SLC24A2: variants seen among roughly 807,000 people sequenced by gnomAD.
SLC24A2 encodes the protein sodium/potassium/calcium exchanger 2.
A neutral mutation model predicts 62.0 loss-of-function variants in SLC24A2; 36 were observed. The ratio of observed to expected loss-of-function variants is 0.58; its 90% confidence interval spans 0.44 to 0.77. The LOEUF is 0.77. Among genes scored for constraint, SLC24A2 ranks in the 30% least tolerant of loss-of-function variants. The pLI, the probability that SLC24A2 is intolerant of heterozygous loss-of-function variation, is 0.00. For missense variants in SLC24A2, 846 were observed against 817.9 expected, an observed-to-expected ratio of 1.03 and a Z score of -0.42; for synonymous variants, 358 against 294.0, an observed-to-expected ratio of 1.22 and a Z score of -2.23.
At chr9:19,714,586 T>C (rs1342201388) in intron 2 of SLC24A2, among the ~76,000 whole-genome samples, 1 of 152,218 alleles carries the variant, frequency 6.6e-6, no homozygotes, top group Admixed American at 6.5e-5. Context: ...CTTCACTATT[T>C]GTATGGAGGA....
At chr9:19,952,658 A>AT in the SLC24A2 span, among the ~76,000 whole-genome samples, 2,714 of 130,574 alleles carry the variant, frequency 0.021, 27 homozygotes, top group East Asian at 0.038. Flanking sequence ...TTTGCCAAGC[A>AT]TTTTTTTTTT....
chr9:20,273,920 A>C, the SLC24A2 span, among the ~76,000 whole-genome samples: 1 of 152,156 alleles, frequency 6.6e-6, no homozygotes, highest in Non-Finnish European at 1.5e-5. Flanking sequence ...AATTTAAATA[A>C]TTCTGTTAGG....
chr9:19,559,285 C>T (rs994241903), intron 7 of SLC24A2, among the ~76,000 whole-genome samples: 1 of 152,070 alleles, frequency 6.6e-6, no homozygotes, highest in Non-Finnish European at 1.5e-5. Flanking sequence ...AAATTTTGTA[C>T]CTCCATCTAT....
chr9:19,762,060 G>T (rs1168720819), intron 2 of SLC24A2, among the ~76,000 whole-genome samples: 3 of 152,146 alleles, frequency 2.0e-5, no homozygotes. Context: ...TCGACACACT[G>T]ACTTCCACAA....
chr9:20,102,041 T>A, the SLC24A2 span, among the ~76,000 whole-genome samples: 1 of 152,170 alleles, frequency 6.6e-6, no homozygotes, highest in Non-Finnish European at 1.5e-5. Flanking sequence ...GCTCTTGTGT[T>A]TACAATGAAA....
At chr9:19,665,859 C>T (rs1307132651) in intron 2 of SLC24A2, among the ~76,000 whole-genome samples, 3 of 152,034 alleles carry the variant, frequency 2.0e-5, no homozygotes, top group Admixed American at 6.6e-5. Flanking sequence ...TTCCATGTTG[C>T]CCAGACTCCA....
the SLC24A2 span, among the ~76,000 whole-genome samples, chr9:20,247,316 T>G: frequency 1.3e-5 from 2 of 152,000 alleles, no homozygotes; most frequent in Non-Finnish European, 2.9e-5. Context: ...CACCAAGAAC[T>G]CCAAGCACAT....
At chr9:19,586,242 C>T (rs1205081831) in intron 5 of SLC24A2, among the ~76,000 whole-genome samples, 1 of 152,174 alleles carries the variant, frequency 6.6e-6, no homozygotes, top group Admixed American at 6.6e-5. Context: ...TGACGCTCTC[C>T]CCAACTAGCC....
intron 2 of SLC24A2, among the ~76,000 whole-genome samples, chr9:19,728,982 T>C (rs1182652): frequency 0.56 from 84,732 of 152,030 alleles, 23,798 homozygotes; most frequent in East Asian, 0.8. Context: ...GTAGGCCATA[T>C]TTGACTTACT....
the SLC24A2 span, among the ~76,000 whole-genome samples, chr9:20,081,224 A>C: frequency 6.6e-4 from 101 of 152,192 alleles, no homozygotes; most frequent in South Asian, 7.1e-3. Context: ...ACTTGGAACC[A>C]ACCCAAATGT....
At chr9:19,833,853 G>C in the SLC24A2 span, among the ~76,000 whole-genome samples, 1 of 152,200 alleles carries the variant, frequency 6.6e-6, no homozygotes, top group Non-Finnish European at 1.5e-5. Flanking sequence ...CACCTCACAT[G>C]TCCGGGTACT....
At chr9:19,909,233 C>CA in the SLC24A2 span, among the ~76,000 whole-genome samples, 14 of 149,154 alleles carry the variant, frequency 9.4e-5, no homozygotes, top group Non-Finnish European at 1.3e-4. Flanking sequence ...ATCACAAGGA[C>CA]AAAAAACCAA....
At chr9:19,668,265 T>G (rs1008154754) in intron 2 of SLC24A2, among the ~76,000 whole-genome samples, 1 of 152,182 alleles carries the variant, frequency 6.6e-6, no homozygotes, top group Non-Finnish European at 1.5e-5. Flanking sequence ...GTCTTATAGA[T>G]GAGAACACTG....
the SLC24A2 span, among the ~76,000 whole-genome samples, chr9:20,001,388 G>A: frequency 6.6e-6 from 1 of 152,216 alleles, no homozygotes. Context: ...AAATCTGGAA[G>A]GGGGTTAAGC....
chr9:20,032,934 T>A, the SLC24A2 span, among the ~76,000 whole-genome samples: 1 of 152,150 alleles, frequency 6.6e-6, no homozygotes, highest in Admixed American at 6.5e-5. Flanking sequence ...AAGACGTAAC[T>A]CCGATTTCCC....
the SLC24A2 span, among the ~76,000 whole-genome samples, chr9:20,131,583 C>T: frequency 0.15 from 23,080 of 152,024 alleles, 2,417 homozygotes; most frequent in East Asian, 0.47. Flanking sequence ...AGGAGCTTTC[C>T]TGTGATGAGG....
intron 4 of SLC24A2, among the ~76,000 whole-genome samples, chr9:19,601,030 T>C (rs1311611417): frequency 2.0e-5 from 3 of 152,006 alleles, no homozygotes; most frequent in Admixed American, 2.0e-4. Flanking sequence ...AGCAAGAGGA[T>C]TGTAAAACGC....
At chr9:19,752,494 T>C (rs1822013812) in intron 2 of SLC24A2, among the ~76,000 whole-genome samples, 2 of 123,508 alleles carry the variant, frequency 1.6e-5, no homozygotes, top group South Asian at 5.6e-4. Context: ...GGATGCCATT[T>C]AACACAGACC....
the SLC24A2 span, among the ~76,000 whole-genome samples, chr9:20,076,222 C>G: frequency 6.6e-6 from 1 of 152,002 alleles, no homozygotes; most frequent in African/African-American, 2.4e-5. Context: ...GCAAAAAGTT[C>G]CCTAGAATTT....
Sources: gnomAD v4.1 joint callset for allele counts (sites outside exome capture counted in the v4.1 genomes callset) on GRCh38, gnomAD v4.1.1 for gene constraint, MANE v1.5 for transcripts, NCBI Gene and HGNC (gene_info 2026-07-23, HGNC 2026-07-21) for gene names.